The following METTL14 variants were observed in gnomAD, a reference collection of about 807,000 sequenced individuals.
The protein encoded by METTL14 is methyltransferase 14, N6-adenosine-methyltransferase non-catalytic subunit.
Under a neutral mutation model 62.4 loss-of-function variants are expected in METTL14, and 32 were observed. That is an observed-to-expected ratio of 0.51 (90% CI 0.39 to 0.69). The LOEUF is 0.69. METTL14 is among the 30% of genes least tolerant of loss of function. METTL14 has a pLI of 0.00. For missense variants in METTL14, 340 were observed against 551.9 expected, an observed-to-expected ratio of 0.62 and a Z score of 3.85; for synonymous variants, 150 against 180.0, an observed-to-expected ratio of 0.83 and a Z score of 1.34.
intron 10 of METTL14, among the ~76,000 whole-genome samples, chr4:118,707,045 G>T (rs1337168924): frequency 6.6e-6 from 1 of 151,908 alleles, no homozygotes; most frequent in East Asian, 1.9e-4. Context: ...TCACTGCCTT[G>T]TTGCATGTTT....
chr4:118,692,326 T>G (rs1724274838), intron 5 of METTL14, among the ~76,000 whole-genome samples: 2 of 151,770 alleles, frequency 1.3e-5, no homozygotes, highest in Admixed American at 1.3e-4. Flanking sequence ...CCTCCCAGAT[T>G]CGAGCGATTC....
At chr4:118,690,821 A>G (rs1275145433) in intron 3 of METTL14, among the ~76,000 whole-genome samples, 2 of 152,204 alleles carry the variant, frequency 1.3e-5, no homozygotes, top group Non-Finnish European at 2.9e-5. Context: ...TATAATCAAG[A>G]TATTTTTAGG....
intron 5 of METTL14, among the ~76,000 whole-genome samples, chr4:118,693,900 A>G (rs896142438): frequency 1.3e-5 from 2 of 152,096 alleles, no homozygotes; most frequent in African/African-American, 4.8e-5. Context: ...TATTAAAGTT[A>G]CTAATATTTG....
Position 118,705,865 on chromosome 4 carries a change from T to C in METTL14, c.1066+44T>C, listed in dbSNP as rs778289199. On this transcript the variant is annotated intron_variant, in intron 10 of 10. Transcript: ENST00000388822. ...ACAACTTTTATGATTCTTTGGGTTA[T>C]GCATGTCAAGAAATAGGACATGGTG... The C allele has an allele frequency of 6.2e-6, 9 of 1,446,664 alleles. No homozygotes were observed. In the African/African-American group the frequency reaches 1.1e-4, roughly 18 times the overall value. 89.6% of individuals were successfully genotyped at this position (1,446,664 alleles called of 1,614,324 possible). A position where few individuals can be genotyped will look rare whatever the true frequency, so the allele number is the denominator to read the frequency against.
intron 3 of METTL14, among the ~76,000 whole-genome samples, chr4:118,691,309 ATAG>A (rs1267283140): frequency 7.2e-5 from 11 of 152,332 alleles, no homozygotes; most frequent in Admixed American, 3.3e-4. Flanking sequence ...AATCAGCAAA[ATAG>A]TAGTTACAGT....
At chr4:118,687,171 A>G (rs1724092568) in intron 1 of METTL14, among the ~76,000 whole-genome samples, 1 of 152,170 alleles carries the variant, frequency 6.6e-6, no homozygotes, top group Admixed American at 6.5e-5. Flanking sequence ...TCTTATCTGA[A>G]ATGCTTGGGC....
At position 118,689,503 on chromosome 4, in the gene METTL14, C is replaced by G. The variant is rs765552664; in HGVS notation, c.243+46C>G. 7.2e-5 allele frequency: 78 copies of G among 1,089,218 alleles called. No individual in the cohort carries two copies. In the Admixed American group the frequency reaches 1.2e-3, roughly 16 times the overall value. The allele number at this position is 1,089,218 out of a possible 1,614,324, so 67.5% of individuals were successfully genotyped here. A position where few individuals can be genotyped will look rare whatever the true frequency, so the allele number is the denominator to read the frequency against. ...GTTTATGGTCAAAGAAAACATAAAT[C>G]CAAATGATAGATTCATATCCAGGAA... On this transcript the variant is annotated intron_variant, in intron 3 of 10. Transcript: ENST00000388822.
rs779351868 is a variant in METTL14 at position 118,700,681 on chromosome 4, T to A, written c.738+39T>A. 10 of 1,446,406 alleles carry A rather than the reference T, an allele frequency of 6.9e-6. No homozygotes were observed. The Admixed American group carries it at 9.8e-5, about 14-fold the overall frequency. The allele number at this position is 1,446,406 out of a possible 1,614,324, so 89.6% of individuals were successfully genotyped here. ...TTTATAAAGTGGATTTTTAAATTAA[T>A]AAGAAAAAAATGTAACAGTATGTTG... On this transcript the variant is annotated intron_variant, in intron 8 of 10. Coordinates refer to ENST00000388822, the MANE Select transcript of METTL14 (RefSeq NM_020961.4).
At chr4:118,693,044 G>A (rs1360982237) in intron 5 of METTL14, among the ~76,000 whole-genome samples, 1 of 152,130 alleles carries the variant, frequency 6.6e-6, no homozygotes, top group Admixed American at 6.6e-5. Context: ...TATTGTATAT[G>A]TTTACCTTTC....
At chr4:118,685,663 C>T in intron 1 of METTL14, 63 bp downstream of exon 1, 2 of 1,385,758 alleles carry the variant, frequency 1.4e-6, no homozygotes, top group South Asian at 2.4e-5. Flanking sequence ...CCGCCTCCTC[C>T]CTCCACACCC....
intron 6 of METTL14, among the ~76,000 whole-genome samples, chr4:118,695,761 G>T (rs36023173): frequency 0.29 from 43,659 of 151,942 alleles, 7,181 homozygotes; most frequent in Non-Finnish European, 0.37. Flanking sequence ...ATGTATATGA[G>T]ATCTTTGAAA....
In METTL14 at chr4:118,710,860, T is replaced by C. The variant is rs1724898223; in HGVS notation, c.*558T>C. 2 of 151,004 alleles carry C rather than the reference T, an allele frequency of 1.3e-5. No individual in the cohort carries two copies. The highest frequency in any genetic ancestry group is 4.9e-5 in the African/African-American group (2 of 41,006). 9.4% of individuals were successfully genotyped at this position (151,004 alleles called of 1,614,324 possible). On this transcript the variant is annotated 3_prime_UTR_variant, in exon 11 of 11. Transcript: ENST00000388822. ...AAACTCTTCCCAAATCTAAATTTGA[T>C]AGGGGAGGTGGAGATTCCAGGGGTG... is the stretch of plus-strand genomic sequence containing the variant.
chr4:118,694,945 G>T (rs1724363814), intron 6 of METTL14, among the ~76,000 whole-genome samples: 2 of 152,020 alleles, frequency 1.3e-5, no homozygotes, highest in Admixed American at 1.3e-4. Flanking sequence ...AGGATTACAG[G>T]CACGCACCAC....
chr4:118,704,219 T>A (rs1351498929), intron 9 of METTL14, among the ~76,000 whole-genome samples, 168 bp downstream of exon 9: 1 of 152,180 alleles, frequency 6.6e-6, no homozygotes, highest in Non-Finnish European at 1.5e-5. Flanking sequence ...TTAAAATGTT[T>A]TATTCATTAT....
Position 118,710,192 on chromosome 4 carries a change from ACTT to A in METTL14, c.1264_1266del (p.Ser422del). 1 of 1,614,236 alleles carries A rather than the reference ACTT, an allele frequency of 6.2e-7. No individual in the cohort carries two copies. The highest frequency in any genetic ancestry group is 8.5e-7 in the Non-Finnish European group (1 of 1,180,048). ...TCCCAGAGGTGGAGGAAGAGGTGGA[ACTT>A]CTGCTGGCCGTGGACGAGAAAGAAA... On this transcript the variant is annotated inframe_deletion, in exon 11 of 11. Coordinates refer to ENST00000388822, the MANE Select transcript of METTL14 (RefSeq NM_020961.4).
Position 118,710,071 on chromosome 4 carries a change from T to G in METTL14, c.1140T>G (p.Ala380=). 3 of 1,614,222 alleles carry G rather than the reference T, an allele frequency of 1.9e-6. No homozygotes were observed. In the South Asian group the frequency reaches 3.3e-5, roughly 18 times the overall value. The part of the protein sequence containing the change: ...NAETYASYFS[A]PNSYLTGCTE... ...AAACATATGCATCCTATTTCAGTGC[T>G]CCTAATTCCTACTTGACTGGTTGTA... Residue 380 remains alanine (A), a synonymous_variant, in exon 11 of 11, where the codon GCT becomes GCG. Coordinates refer to ENST00000388822, the MANE Select transcript of METTL14 (RefSeq NM_020961.4).
At position 118,714,531 on chromosome 4, in the gene METTL14, G is replaced by A. The variant is rs1725003015; in HGVS notation, c.*4229G>A. 1 of 152,216 alleles carries A rather than the reference G, an allele frequency of 6.6e-6. No homozygotes were observed. Among genetic ancestry groups the A allele is most frequent in the East Asian group, 1.9e-4 (1 of 5,190 alleles). 9.4% of individuals were successfully genotyped at this position (152,216 alleles called of 1,614,324 possible). ...TAGTTTGTGACTTTTGCTTACATTT[G>A]CATTCATAGAACTAAAAAAAATTTA... On this transcript the variant is annotated 3_prime_UTR_variant, in exon 11 of 11. Transcript: ENST00000388822.
intron 10 of METTL14, among the ~76,000 whole-genome samples, chr4:118,708,637 G>T (rs186270341): frequency 6.6e-6 from 1 of 152,090 alleles, no homozygotes; most frequent in African/African-American, 2.4e-5. Flanking sequence ...TACAGAAATG[G>T]CTACTGTATT....
chr4:118,686,725 C>G lies in METTL14; in HGVS notation c.66+1125C>G, dbSNP rs73843457. On this transcript the variant is annotated intron_variant, in intron 1 of 10. Coordinates refer to ENST00000388822, the MANE Select transcript of METTL14 (RefSeq NM_020961.4). Reference sequence around the variant, plus strand: ...GTTAAGTAGCTCTTTGTTGCTACCACAGAAGACGTTTTACTCCTTAATATT... The same window carrying G: ...GTTAAGTAGCTCTTTGTTGCTACCAGAGAAGACGTTTTACTCCTTAATATT... The G allele has an allele frequency of 3.9e-3, 1,741 of 446,712 alleles. 22 individuals carry two copies. The highest frequency in any genetic ancestry group is 0.031 in the African/African-American group (1,561 of 49,626). The allele number at this position is 446,712 out of a possible 1,614,324, so 27.7% of individuals were successfully genotyped here.
Sources: allele counts gnomAD v4.1 joint callset (sites outside exome capture counted in the v4.1 genomes callset), GRCh38; gene constraint gnomAD v4.1.1; transcripts MANE v1.5; gene names NCBI Gene and HGNC (gene_info 2026-07-23, HGNC 2026-07-21).